The following RABL6 variants were observed in gnomAD, a reference collection of about 807,000 sequenced individuals.
The protein encoded by RABL6 is rab-like protein 6.
Under a neutral mutation model 72.9 loss-of-function variants are expected in RABL6, and 28 were observed. That is an observed-to-expected ratio of 0.38 (90% CI 0.28 to 0.53). The LOEUF (loss-of-function observed/expected upper bound fraction) is 0.53. Among genes scored for constraint, RABL6 ranks in the 20% least tolerant of loss-of-function variants. The pLI is 0.80. For missense variants in RABL6, 1,029 were observed against 1,008.4 expected (o/e 1.02, Z -0.28); for synonymous variants, 477 against 421.2 (o/e 1.13, Z -1.62).
intron 1 of RABL6, chr9:136,814,526 G>C (rs1340858419): frequency 6.6e-6 from 1 of 151,744 alleles, no homozygotes. Context: ...TAAAGTTCAG[G>C]TTTCCAACAA....
rs778551130 is a variant in RABL6 at position 136,831,852 on chromosome 9, A to G, written c.590A>G (p.Asn197Ser). The G allele has an allele frequency of 6.8e-6, 11 of 1,611,270 alleles. No individual in the cohort carries two copies. Among genetic ancestry groups the G allele is most frequent in the Non-Finnish European group, 9.3e-6 (11 of 1,178,802 alleles). Reference protein sequence around the residue: ...LPDDVRDFIDNLDRPPGSSYF... With the variant: ...LPDDVRDFIDSLDRPPGSSYF... ...GACGACGTGCGTGACTTCATCGACA[A>G]CCTGGACAGGTGGGTGCGGTGGCCC... The change falls in exon 6 of 15, where the codon AAC (asparagine) becomes AGC (serine). Residue 197 changes from asparagine to serine, a missense_variant. Physicochemically the swap from Asn to Ser is conservative, Grantham distance 46 (BLOSUM62 1). Around this residue, in one of 2 missense-constraint regions of RABL6, gnomAD observed 434 missense variants for 536.1 expected, o/e 0.81. Transcript: ENST00000311502.
At chr9:136,836,967 G>A (rs1034042371) in intron 8 of RABL6, 29 of 358,012 alleles carry the variant, frequency 8.1e-5, no homozygotes, top group East Asian at 3.6e-4. Flanking sequence ...TCCGCCTCCC[G>A]GGTTCACGCC....
rs1210019915 is a variant in RABL6 at position 136,832,325 on chromosome 9, A to G, written c.660A>G (p.Leu220=). 1.2e-6 allele frequency: 2 copies of G among 1,613,814 alleles called. No homozygotes were observed. The highest frequency in any genetic ancestry group is 1.7e-5 in the Admixed American group (1 of 60,000). ...AESSMKNSFG[L]KYLHKFFNIP... ...CTTCCATGAAGAACAGCTTCGGCCT[A>G]AAGTACCTTCATAAGTTCTTCAATA... The change falls in exon 7 of 15, where the codon CTA becomes CTG. Residue 220 remains leucine (L), a synonymous_variant. Transcript: ENST00000311502.
chr9:136,839,431 T>C lies in RABL6; in HGVS notation c.1703T>C (p.Phe568Ser). The C allele has an allele frequency of 6.2e-7, 1 of 1,612,600 alleles. No homozygotes were observed. Among genetic ancestry groups the C allele is most frequent in the Non-Finnish European group, 8.5e-7 (1 of 1,179,730 alleles). The change falls in exon 12 of 15, where the codon TTC becomes TCC. Residue 568 changes from phenylalanine to serine, a missense_variant. Coordinates refer to ENST00000311502, the MANE Select transcript of RABL6 (RefSeq NM_024718.5). Reference sequence around the variant, plus strand: ...CCCATTGCTGCACAAATGCTGTCCTTCGTCATGGATGACCCCGACTTTGAG... The same window carrying C: ...CCCATTGCTGCACAAATGCTGTCCTCCGTCATGGATGACCCCGACTTTGAG... The part of the protein sequence containing the change: ...EGPIAAQMLS[F>S]VMDDPDFESE...
At position 136,808,286 on chromosome 9, in the gene RABL6, G is replaced by A. The variant is rs1298461175; in HGVS notation, c.90G>A (p.Gln30=). ...NIPAGLQSMN[Q]ALQRRFAKGV... ...CCGCCGGGCTGCAGTCCATGAACCAGGCGTTGCAGAGGCGCTTCGCCAAGG... is the reference window on the plus strand; with the variant it reads ...CCGCCGGGCTGCAGTCCATGAACCAAGCGTTGCAGAGGCGCTTCGCCAAGG... The change falls in exon 1 of 15, where the codon CAG becomes CAA. Residue 30 remains glutamine (Q), a synonymous_variant. Transcript: ENST00000311502. 1.3e-6 allele frequency: 2 copies of A among 1,562,942 alleles called. No individual in the cohort carries two copies. Among genetic ancestry groups the A allele is most frequent in the African/African-American group, 1.4e-5 (1 of 70,550 alleles).
chr9:136,829,743 A>G (rs1008136003), intron 5 of RABL6, among the ~76,000 whole-genome samples: 5 of 152,268 alleles, frequency 3.3e-5, no homozygotes, highest in African/African-American at 1.2e-4. Flanking sequence ...CGCACCTTCC[A>G]TAGCCCCACT....
At chr9:136,819,500 T>C (rs1457148205) in intron 1 of RABL6, among the ~76,000 whole-genome samples, 1 of 152,118 alleles carries the variant, frequency 6.6e-6, no homozygotes, top group Non-Finnish European at 1.5e-5. Flanking sequence ...TCGAGGAATT[T>C]TTTTTTCTTT....
At chr9:136,831,499 G>A (rs1240521431) in intron 5 of RABL6, among the ~76,000 whole-genome samples, 1 of 152,116 alleles carries the variant, frequency 6.6e-6, no homozygotes, top group African/African-American at 2.4e-5. Context: ...TCAAGTACCT[G>A]CCGTCAGGGA....
intron 1 of RABL6, 70 bp from the exon 2 acceptor site, chr9:136,823,455 T>C (rs1294419958): frequency 3.5e-5 from 55 of 1,579,624 alleles, no homozygotes; most frequent in African/African-American, 4.0e-5. Context: ...CTCCTTGTAG[T>C]TGCTCTTAAA....
In RABL6 at chr9:136,815,119, C is replaced by T. The variant is rs1326386004; in HGVS notation, c.130+6793C>T. 1.5e-5 allele frequency: 4 copies of T among 261,374 alleles called. No individual in the cohort carries two copies. In the Admixed American group the frequency reaches 2.2e-4, roughly 14 times the overall value. The allele number at this position is 261,374 out of a possible 1,614,324, so 16.2% of individuals were successfully genotyped here. On this transcript the variant is annotated intron_variant, in intron 1 of 14. Transcript: ENST00000311502. The stretch of plus-strand genomic sequence containing the variant: ...AGGCAGGGGCACCCGCTGCTGCCTT[C>T]ATCACTGCTGGTTCAGAGTCATCCT...
intron 4 of RABL6, among the ~76,000 whole-genome samples, 181 bp downstream of exon 4, chr9:136,828,727 C>T (rs1002204217): frequency 8.5e-5 from 13 of 152,314 alleles, no homozygotes; most frequent in South Asian, 4.1e-4. Context: ...TGGGGGTGGC[C>T]GGCTCACCTG....
At chr9:136,828,831 C>T (rs1222219397) in intron 4 of RABL6, among the ~76,000 whole-genome samples, 2 of 152,190 alleles carry the variant, frequency 1.3e-5, no homozygotes, top group Non-Finnish European at 2.9e-5. Flanking sequence ...ATCCCAGTCT[C>T]GGTGGGCTCG....
chr9:136,817,996 A>G (rs1183885888), intron 1 of RABL6, among the ~76,000 whole-genome samples: 1 of 150,104 alleles, frequency 6.7e-6, no homozygotes, highest in Non-Finnish European at 1.5e-5. Flanking sequence ...CGGGAGGCAC[A>G]AGTTGGAATG....
chr9:136,837,649 C>T lies in RABL6; in HGVS notation c.1113C>T (p.Ala371=). The change falls in exon 9 of 15, where the codon GCC becomes GCT. Residue 371 remains alanine, a synonymous_variant. Transcript: ENST00000311502. The stretch of plus-strand genomic sequence containing the variant: ...GGACGTCACCTGCCACCGAGGCAGC[C>T]CCTCCACCTCCAGGTAGGCCCTGGA... ...LFGTSPATEA[A]PPPPEPVPAA... 1 of 1,590,192 alleles carries T rather than the reference C, an allele frequency of 6.3e-7. No individual in the cohort carries two copies. The highest frequency in any genetic ancestry group is 8.5e-7 in the Non-Finnish European group (1 of 1,170,006).
At chr9:136,818,638 G>A (rs1848176214) in intron 1 of RABL6, among the ~76,000 whole-genome samples, 1 of 151,746 alleles carries the variant, frequency 6.6e-6, no homozygotes, top group African/African-American at 2.4e-5. Context: ...TCAGCTACTC[G>A]AGAGGCTGAG....
intron 5 of RABL6, among the ~76,000 whole-genome samples, chr9:136,831,486 C>T (rs905250541): frequency 5.3e-5 from 8 of 152,096 alleles, no homozygotes; most frequent in Admixed American, 2.0e-4. Context: ...GTGTGGGGTG[C>T]GGTCAAGTAC....
intron 13 of RABL6, 63 bp from the exon 14 acceptor site, chr9:136,840,091 T>C (rs758359019): frequency 7.7e-5 from 123 of 1,606,918 alleles, no homozygotes; most frequent in Non-Finnish European, 9.7e-5. Context: ...AGAGAAGTCC[T>C]GTCACCCAGC....
intron 1 of RABL6, chr9:136,814,208 C>T (rs144537759): frequency 8.6e-4 from 213 of 247,234 alleles, no homozygotes; most frequent in African/African-American, 4.9e-3. Context: ...CTTTCTTTTT[C>T]GAGACAGGGT....
At position 136,839,736 on chromosome 9, in the gene RABL6, G is replaced by A. The variant is rs751187534; in HGVS notation, c.1801G>A (p.Glu601Lys). 64 of 1,608,600 alleles carry A rather than the reference G, an allele frequency of 4.0e-5. 1 individual carries two copies. The highest frequency in any genetic ancestry group is 8.8e-5 in the South Asian group (8 of 90,702). The change falls in exon 13 of 15, where the codon GAG becomes AAG. Residue 601 changes from glutamate (E) to lysine (K), a missense_variant. Physicochemically the swap from Glu to Lys is moderately conservative, Grantham distance 56. This residue lies in a region of RABL6 where 595 missense variants were observed against 472.4 expected (regional missense o/e 1.26). Coordinates refer to ENST00000311502, the MANE Select transcript of RABL6 (RefSeq NM_024718.5). ...VRDDPSDVTDEDEGPAEPPPP... is the reference protein window; with the variant it reads ...VRDDPSDVTDKDEGPAEPPPP... Reference sequence around the variant, plus strand: ...AGATGACCCCTCCGATGTGACTGACGAGGATGAGGGCCCTGCCGAGCCGCC... The same window carrying A: ...AGATGACCCCTCCGATGTGACTGACAAGGATGAGGGCCCTGCCGAGCCGCC...
Sources: allele counts gnomAD v4.1 joint callset (sites outside exome capture counted in the v4.1 genomes callset), GRCh38; gene constraint gnomAD v4.1.1; regional missense constraint gnomAD v4.1.1; transcripts MANE v1.5; gene names NCBI Gene and HGNC (gene_info 2026-07-23, HGNC 2026-07-21).